The following ACTC1 variants were observed in gnomAD, a reference collection of about 807,000 sequenced individuals.
The protein encoded by ACTC1 is actin, alpha cardiac muscle 1.
Under a neutral mutation model 31.6 loss-of-function variants are expected in ACTC1, and 10 were observed. The observed-to-expected ratio is 0.32, with a 90% confidence interval of 0.19 to 0.54. The LOEUF (loss-of-function observed/expected upper bound fraction) is 0.54. ACTC1 is among the 20% of genes least tolerant of loss of function. The probability of loss-of-function intolerance (pLI) is 0.95; values close to 1 mark genes in which losing one functional copy is unlikely to be tolerated. For synonymous variants in ACTC1, 196 were observed against 185.0 expected (o/e 1.06, Z -0.48); for missense variants, 129 against 506.4 (o/e 0.25, Z 7.15).
In ACTC1 at chr15:34,794,562, C is replaced by T. The variant is rs78848103; in HGVS notation, c.129+118G>A. The T allele has an allele frequency of 6.5e-3, 8,946 of 1,381,958 alleles. 458 individuals carry two copies. In the African/African-American group the frequency reaches 0.11, roughly 17 times the overall value. The allele number at this position is 1,381,958 out of a possible 1,614,324, so 85.6% of individuals were successfully genotyped here. ...TTGGCTTGGATTTGAAGTCAATCAG[C>T]CTTCTCTTAATTTGGCCTAAAGAGT... On this transcript the variant is annotated intron_variant, in intron 2 of 6. Transcript: ENST00000290378.
Position 34,793,255 on chromosome 15 carries a change from G to T in ACTC1, c.444C>A (p.Gly148=). 1 of 1,613,984 alleles carries T rather than the reference G, an allele frequency of 6.2e-7. No homozygotes were observed. The highest frequency in any genetic ancestry group is 1.1e-5 in the South Asian group (1 of 91,052). ...IQAVLSLYAS[G]RTTGIVLDSG... is the part of the protein sequence containing the mutation. ...CAGAGCCCAGCATACCTGTGGTACG[G>T]CCAGAAGCATACAGGGATAGCACTG... Residue 148 remains glycine, a synonymous_variant, in exon 3 of 7, where the codon GGC becomes GGA. Transcript: ENST00000290378. The surrounding 1 kb of genome is among the most constrained non-coding windows in gnomAD (Gnocchi z 4.8).
rs755214735 is a variant in ACTC1, at chr15:34,792,318, G to A, written c.617-37C>T. ...AAGAGTATCACAGTCATGCTCTGAA[G>A]CAAGAAGTCAATTATAGGGAGGTAG... On this transcript the variant is annotated intron_variant, in intron 4 of 6. Transcript: ENST00000290378. This position sits in a 1 kb window ranked among gnomAD's most constrained non-coding sequence, Gnocchi z 5.3. 20 of 1,613,914 alleles carry A rather than the reference G, an allele frequency of 1.2e-5. No homozygotes were observed. The Admixed American group carries it at 3.2e-4, about 26-fold the overall frequency.
chr15:34,791,035 G>A (rs1029414201), intron 6 of ACTC1, 79 bp downstream of exon 6: 7 of 1,366,874 alleles, frequency 5.1e-6, no homozygotes, highest in South Asian at 4.3e-5. Flanking sequence ...CTGAGTATGA[G>A]GGAAAAGGAA....
Position 34,790,368 on chromosome 15 carries a change from A to C in ACTC1, c.*44T>G. On this transcript the variant is annotated 3_prime_UTR_variant, in exon 7 of 7. Transcript: ENST00000290378. ...GGTTTGGAAGACTCCAAGAAGCATA[A>C]TACCGTCATCCTGACTGGAAGGTAG... The C allele has an allele frequency of 6.2e-7, 1 of 1,611,182 alleles. No homozygotes were observed. The highest frequency in any genetic ancestry group is 2.2e-5 in the East Asian group (1 of 44,864).
At chr15:34,795,129 G>C (rs1891796221) in intron 1 of ACTC1, among the ~76,000 whole-genome samples, 1 of 152,012 alleles carries the variant, frequency 6.6e-6, no homozygotes, top group Non-Finnish European at 1.5e-5. Context: ...GTCCTCCCCA[G>C]CCCTTTAACT....
intron 5 of ACTC1, 44 bp from the exon 6 acceptor site, chr15:34,791,339 ACAC>A: frequency 9.9e-7 from 1 of 1,007,142 alleles, no homozygotes. Flanking sequence ...ACACACACAC[ACAC>A]ACACACACAC....
chr15:34,794,066 C>T (rs1891762341), intron 2 of ACTC1, among the ~76,000 whole-genome samples: 1 of 152,218 alleles, frequency 6.6e-6, no homozygotes, highest in Non-Finnish European at 1.5e-5. Flanking sequence ...CATTCACCAG[C>T]TCTGAGGACT....
Position 34,792,775 on chromosome 15 carries a change from T to A in ACTC1, c.455-206A>T. Reference sequence around the variant, plus strand: ...GCAAACTGCAGCTCATCTTTTTAACTATTATAGTAGAAAAAATTCCCGAGG... The same window carrying A: ...GCAAACTGCAGCTCATCTTTTTAACAATTATAGTAGAAAAAATTCCCGAGG... On this transcript the variant is annotated intron_variant, in intron 3 of 6. Coordinates refer to ENST00000290378, the MANE Select transcript of ACTC1 (RefSeq NM_005159.5). This position sits in a 1 kb window ranked among gnomAD's most constrained non-coding sequence, Gnocchi z 5.3. 1.6e-6 allele frequency: 1 copy of A among 609,076 alleles called. No individual in the cohort carries two copies. Among genetic ancestry groups the A allele is most frequent in the Non-Finnish European group, 2.9e-6 (1 of 348,908 alleles). The allele number at this position is 609,076 out of a possible 1,614,324, so 37.7% of individuals were successfully genotyped here.
At position 34,790,458 on chromosome 15, in the gene ACTC1, T is replaced by C. The variant is rs121912674; in HGVS notation, c.1088A>G (p.Glu363Gly). 6.2e-7 allele frequency: 1 copy of C among 1,614,196 alleles called. No homozygotes were observed. Among genetic ancestry groups the C allele is most frequent in the Non-Finnish European group, 8.5e-7 (1 of 1,180,016 alleles). The part of the protein sequence containing the change: ...TFQQMWISKQ[E>G]YDEAGPSIVH... ...AATGGATGGGCCTGCCTCATCGTAC[T>C]CTTGCTTGCTAATCCACATTTGCTG... The change falls in exon 7 of 7, where the codon GAG (glutamate) becomes GGG (glycine). Residue 363 changes from glutamate (E) to glycine (G), a missense_variant. Physicochemically the swap from Glu to Gly is moderately conservative, Grantham distance 98 (BLOSUM62 -2). Transcript: ENST00000290378.
chr15:34,794,725 C>T lies in ACTC1; in HGVS notation c.84G>A (p.Ala28=). 4 of 1,613,276 alleles carry T rather than the reference C, an allele frequency of 2.5e-6. No homozygotes were observed. Among genetic ancestry groups the T allele is most frequent in the Non-Finnish European group, 2.5e-6 (3 of 1,179,796 alleles). Residue 28 remains alanine, a synonymous_variant, in exon 2 of 7, where the codon GCG becomes GCA. Coordinates refer to ENST00000290378, the MANE Select transcript of ACTC1 (RefSeq NM_005159.5). ...LVKAGFAGDD[A]PRAVFPSIVG... is the part of the protein sequence containing the mutation. ...CGATGGACGGGAAGACAGCGCGGGG[C>T]GCGTCATCGCCCGCAAAGCCGGCCT...
chr15:34,794,539 G>T, intron 2 of ACTC1, 141 bp downstream of exon 2: 1 of 1,271,766 alleles, frequency 7.9e-7, no homozygotes, highest in Non-Finnish European at 1.1e-6. Context: ...TGCTTGCCTT[G>T]GCTTGGATTT....
Position 34,793,380 on chromosome 15 carries a change from G to A in ACTC1, c.319C>T (p.Leu107Phe). The change falls in exon 3 of 7, where the codon CTC (leucine) becomes TTC (phenylalanine). Residue 107 changes from leucine (L) to phenylalanine (F), a missense_variant. Physicochemically the swap from Leu to Phe is conservative, Grantham distance 22. Transcript: ENST00000290378. The surrounding 1 kb of genome is among the most constrained non-coding windows in gnomAD (Gnocchi z 4.8). ...RVAPEEHPTL[L>F]TEAPLNPKAN... ...TTGGGGTTCAGCGGGGCCTCTGTGAGCAGGGTGGGGTGCTCCTCGGGAGCC... is the reference window on the plus strand; with the variant it reads ...TTGGGGTTCAGCGGGGCCTCTGTGAACAGGGTGGGGTGCTCCTCGGGAGCC... The A allele has an allele frequency of 6.2e-7, 1 of 1,614,156 alleles. No homozygotes were observed. The highest frequency in any genetic ancestry group is 8.5e-7 in the Non-Finnish European group (1 of 1,180,024).
rs2140430821 is a variant in ACTC1, at chr15:34,792,395, C to T, written c.616+13G>A. ...CAGACCCACACTGTGGCAGATGAGA[C>T]ACACACACTCACCAGTGGTGACAAA... On this transcript the variant is annotated intron_variant, in intron 4 of 6. Coordinates refer to ENST00000290378, the MANE Select transcript of ACTC1 (RefSeq NM_005159.5). This position sits in a 1 kb window ranked among gnomAD's most constrained non-coding sequence, Gnocchi z 5.3. 6.2e-7 allele frequency: 1 copy of T among 1,613,686 alleles called. No homozygotes were observed. Among genetic ancestry groups the T allele is most frequent in the East Asian group, 2.2e-5 (1 of 44,886 alleles).
chr15:34,790,703 A>C, intron 6 of ACTC1, 148 bp from the exon 7 acceptor site: 1 of 790,626 alleles, frequency 1.3e-6, no homozygotes, highest in Non-Finnish European at 2.1e-6. Flanking sequence ...AATGTGGCCA[A>C]TCAAGTTATA....
chr15:34,794,908 C>A, intron 1 of ACTC1, 78 bp from the exon 2 acceptor site: 1 of 1,417,488 alleles, frequency 7.1e-7, no homozygotes, highest in Non-Finnish European at 9.6e-7. Flanking sequence ...GAGGACAGGA[C>A]AGAGCAGAAG....
intron 1 of ACTC1, 69 bp from the exon 2 acceptor site, chr15:34,794,899 A>G (rs1196053487): frequency 2.3e-6 from 3 of 1,295,892 alleles, no homozygotes; most frequent in African/African-American, 3.1e-5. Context: ...CCGCACCCAG[A>G]GGACAGGACA....
At chr15:34,794,467 C>T (rs868555864) in intron 2 of ACTC1, among the ~76,000 whole-genome samples, 1 of 152,214 alleles carries the variant, frequency 6.6e-6, no homozygotes, top group African/African-American at 2.4e-5. Flanking sequence ...GGGAGTGGGA[C>T]CCTTTTAGAG....
chr15:34,792,574 C>T lies in ACTC1; in HGVS notation c.455-5G>A. The T allele has an allele frequency of 6.2e-7, 1 of 1,614,100 alleles. No individual in the cohort carries two copies. The highest frequency in any genetic ancestry group is 8.5e-7 in the Non-Finnish European group (1 of 1,180,018). On this transcript the variant is annotated splice_polypyrimidine_tract_variant and splice_region_variant and intron_variant, in intron 3 of 6. Coordinates refer to ENST00000290378, the MANE Select transcript of ACTC1 (RefSeq NM_005159.5). The surrounding 1 kb of genome is among the most constrained non-coding windows in gnomAD (Gnocchi z 5.3). Reference sequence around the variant, plus strand: ...CCCCAGAGTCCAGAACAATGCCTGCCCGGGGAAGTAGACAAGAACAAGGTA... The same window carrying T: ...CCCCAGAGTCCAGAACAATGCCTGCTCGGGGAAGTAGACAAGAACAAGGTA...
chr15:34,794,919 G>A (rs1272389945), intron 1 of ACTC1, 89 bp from the exon 2 acceptor site: 8 of 1,350,824 alleles, frequency 5.9e-6, no homozygotes, highest in Non-Finnish European at 7.1e-6. Flanking sequence ...AGAGCAGAAG[G>A]GGGTTGTGGG....
Sources: allele counts gnomAD v4.1 joint callset (sites outside exome capture counted in the v4.1 genomes callset), GRCh38; gene constraint gnomAD v4.1.1; non-coding constraint Gnocchi (gnomAD v3.1); transcripts MANE v1.5; gene names NCBI Gene and HGNC (gene_info 2026-07-23, HGNC 2026-07-21).